The following MED12L variants were observed in gnomAD, a reference collection of about 807,000 sequenced individuals.
MED12L encodes mediator complex subunit 12L.
MED12L carries 60 observed loss-of-function variants against 281.3 expected under a neutral mutation model. The observed-to-expected ratio is 0.21, with a 90% CI of 0.17 to 0.26. MED12L has a LOEUF of 0.26. MED12L is among the 10% of genes least tolerant of loss of function. The pLI is 1.00. For synonymous variants in MED12L, 974 were observed against 987.2 expected (o/e 0.99, Z 0.25); for missense variants, 2,146 against 2,680.9 (o/e 0.80, Z 4.41).
intron 39 of MED12L, among the ~76,000 whole-genome samples, chr3:151,401,717 C>T (rs1169406334): frequency 1.3e-5 from 2 of 152,202 alleles, no homozygotes; most frequent in African/African-American, 2.4e-5. Context: ...TGTGTTTATT[C>T]AGAGGGTGTA....
chr3:151,242,521 C>A (rs796897471), intron 16 of MED12L, among the ~76,000 whole-genome samples: 3 of 150,208 alleles, frequency 2.0e-5, no homozygotes, highest in East Asian at 3.9e-4. Context: ...ACACCTCACA[C>A]AGCAGGGTAT....
At chr3:151,295,031 T>C in intron 16 of MED12L, 1 of 1,613,724 alleles carries the variant, frequency 6.2e-7, no homozygotes, top group Middle Eastern at 1.6e-4. Flanking sequence ...GCTGGTTTTA[T>C]TCCTAATGTG....
At chr3:151,228,963 C>T (rs1731074107) in intron 16 of MED12L, among the ~76,000 whole-genome samples, 6 of 152,192 alleles carry the variant, frequency 3.9e-5, no homozygotes, top group Admixed American at 3.9e-4. Context: ...AAGCAGTACT[C>T]AGATCTGCAG....
intron 5 of MED12L, among the ~76,000 whole-genome samples, chr3:151,149,564 G>T (rs1718184519): frequency 1.3e-5 from 2 of 152,174 alleles, no homozygotes. Flanking sequence ...GATCTAGGTG[G>T]TGGCTGCTGG....
chr3:151,383,270 T>G lies in MED12L; in HGVS notation c.4681-509T>G, dbSNP rs891317369. Among the ~76,000 whole-genome samples, 11 of 152,350 alleles carry G rather than the reference T, an allele frequency of 7.2e-5. No individual in the cohort carries two copies. In the East Asian group the frequency reaches 2.1e-3, roughly 29 times the overall value. Reference sequence around the variant, plus strand: ...TGGAGGATGGCCTGCCTGATACTTTTGCAGTTGTTTCTAACCTTGTCCCAA... The same window carrying G: ...TGGAGGATGGCCTGCCTGATACTTTGGCAGTTGTTTCTAACCTTGTCCCAA... On this transcript the variant is annotated intron_variant, in intron 33 of 44. Transcript: ENST00000687756.
At chr3:151,403,948 G>A (rs1468411715) in intron 39 of MED12L, among the ~76,000 whole-genome samples, 1 of 152,156 alleles carries the variant, frequency 6.6e-6, no homozygotes, top group East Asian at 1.9e-4. Flanking sequence ...CAGGGGGCAG[G>A]TGAGGATTTT....
chr3:151,369,321 G>C (rs1755889737), intron 25 of MED12L, 115 bp from the exon 26 acceptor site: 1 of 596,220 alleles, frequency 1.7e-6, no homozygotes, highest in South Asian at 2.7e-5. Flanking sequence ...ATTAAAGCAA[G>C]CTAATGGCAA....
chr3:151,295,267 T>TA, intron 16 of MED12L: 1 of 1,231,156 alleles, frequency 8.1e-7, no homozygotes, highest in South Asian at 1.4e-5. Flanking sequence ...GCCCACAGGC[T>TA]ACTAGGTTCC....
rs768886185 is a variant in MED12L at position 151,337,853 on chromosome 3, C to G, written c.2251-12206C>G. 8.7e-6 allele frequency: 14 copies of G among 1,614,110 alleles called. No homozygotes were observed. The South Asian group carries it at 1.2e-4, about 14-fold the overall frequency. The stretch of plus-strand genomic sequence containing the variant: ...TCTCTTCATTTGGGTCACCACCATC[C>G]TGTTCTTTTTTCCTATTGTCCTGGG... On this transcript the variant is annotated intron_variant, in intron 16 of 44. Transcript: ENST00000687756.
Position 151,099,862 on chromosome 3 carries a change from T to G in MED12L, c.99+12837T>G, listed in dbSNP as rs182385023. On this transcript the variant is annotated intron_variant, in intron 2 of 44. Coordinates refer to ENST00000687756, the MANE Select transcript of MED12L (RefSeq NM_001393769.1). ...TAAATAATTGAAGTCATGGGTGTGATTACCTGTTGAGAGTGTGCAAAGAGA... is the reference window on the plus strand; with the variant it reads ...TAAATAATTGAAGTCATGGGTGTGAGTACCTGTTGAGAGTGTGCAAAGAGA... Among the ~76,000 whole-genome samples, 1,121 of 152,258 alleles carry G rather than the reference T, an allele frequency of 7.4e-3. 4 individuals carry two copies. The highest frequency in any genetic ancestry group is 0.021 in the African/African-American group (860 of 41,532).
intron 16 of MED12L, among the ~76,000 whole-genome samples, chr3:151,320,825 T>C (rs1266966421): frequency 6.6e-6 from 1 of 152,166 alleles, no homozygotes; most frequent in East Asian, 1.9e-4. Context: ...ACAAGACTAG[T>C]GATTGGGGTC....
chr3:151,179,326 C>T (rs1470370453), intron 11 of MED12L, among the ~76,000 whole-genome samples: 1 of 151,272 alleles, frequency 6.6e-6, no homozygotes, highest in African/African-American at 2.4e-5. Context: ...GGTGACAGAG[C>T]CAGACCGAAA....
At position 151,173,536 on chromosome 3, in the gene MED12L, A is replaced by G. The variant is rs546316887; in HGVS notation, c.1494+7554A>G. Among the ~76,000 whole-genome samples, 6 of 152,378 alleles carry G rather than the reference A, an allele frequency of 3.9e-5. No homozygotes were observed. In the South Asian group the frequency reaches 1.0e-3, roughly 26 times the overall value. On this transcript the variant is annotated intron_variant, in intron 11 of 44. Coordinates refer to ENST00000687756, the MANE Select transcript of MED12L (RefSeq NM_001393769.1). ...AATATTGGTACATTTATGTGATGGA[A>G]TAATCTATTAATTTTTAAAAGCTTG...
chr3:151,244,299 A>G (rs1331224392), intron 16 of MED12L, among the ~76,000 whole-genome samples: 2 of 126,974 alleles, frequency 1.6e-5, no homozygotes, highest in East Asian at 5.0e-4. Flanking sequence ...TCCACCCCAA[A>G]TCAACAGAAT....
At chr3:151,357,615 T>C (rs937937108) in intron 20 of MED12L, among the ~76,000 whole-genome samples, 4 of 152,186 alleles carry the variant, frequency 2.6e-5, no homozygotes, top group Non-Finnish European at 5.9e-5. Context: ...CTCTCCCTGG[T>C]TTCTAAGTAC....
chr3:151,299,700 G>A (rs544358395), intron 16 of MED12L, among the ~76,000 whole-genome samples: 4 of 152,086 alleles, frequency 2.6e-5, no homozygotes, highest in African/African-American at 9.6e-5. Context: ...AGATTAGGTA[G>A]ATGTTATCTC....
intron 37 of MED12L, 42 bp from the exon 38 acceptor site, chr3:151,389,935 GAT>G: frequency 6.3e-7 from 1 of 1,596,626 alleles, no homozygotes; most frequent in Non-Finnish European, 8.6e-7. Context: ...TTAGCTGTGT[GAT>G]ATGTGGAGTT....
chr3:151,355,650 G>T (rs910924408), intron 18 of MED12L, among the ~76,000 whole-genome samples: 21 of 152,110 alleles, frequency 1.4e-4, no homozygotes, highest in African/African-American at 4.6e-4. Flanking sequence ...ATTTGTAGTT[G>T]TTCTACCATT....
At chr3:151,347,811 C>T (rs780515150) in intron 16 of MED12L, among the ~76,000 whole-genome samples, 21 of 152,098 alleles carry the variant, frequency 1.4e-4, no homozygotes, top group Non-Finnish European at 2.2e-4. Context: ...TACAAGGAAG[C>T]GATGTTACCC....
Sources: gnomAD v4.1 joint callset for allele counts (sites outside exome capture counted in the v4.1 genomes callset) on GRCh38, gnomAD v4.1.1 for gene constraint, MANE v1.5 for transcripts, NCBI Gene and HGNC (gene_info 2026-07-23, HGNC 2026-07-21) for gene names.